Variants in CRYL1 observed in about 807,000 individuals in gnomAD.
The protein encoded by CRYL1 is lambda-crystallin homolog.
CRYL1 carries 29 observed loss-of-function variants against 36.6 expected under a neutral mutation model. The ratio of observed to expected loss-of-function variants is 0.79; its 90% CI spans 0.59 to 1.08. The LOEUF is 1.08. CRYL1 is among the 50% of genes least tolerant of loss of function. CRYL1 has a pLI of 0.00. For synonymous variants in CRYL1, 152 were observed against 151.5 expected (o/e 1.00, Z -0.02); for missense variants, 411 against 407.9 (o/e 1.01, Z -0.06).
At chr13:20,409,968 T>A (rs372311083) in intron 6 of CRYL1, among the ~76,000 whole-genome samples, 4 of 152,024 alleles carry the variant, frequency 2.6e-5, no homozygotes, top group Non-Finnish European at 4.4e-5. Flanking sequence ...TGTGGAAGTC[T>A]GTGTGGCGAT....
chr13:20,491,812 CA>C (rs2033520153), intron 2 of CRYL1, among the ~76,000 whole-genome samples: 1 of 152,016 alleles, frequency 6.6e-6, no homozygotes, highest in African/African-American at 2.4e-5. Context: ...AAGCAAAAAA[CA>C]AAAGTAAGTT....
chr13:20,478,539 A>G (rs933209807), intron 3 of CRYL1, among the ~76,000 whole-genome samples: 1 of 152,086 alleles, frequency 6.6e-6, no homozygotes, highest in Non-Finnish European at 1.5e-5. Context: ...ACAGTGGCAG[A>G]ATCTCAGCTT....
At chr13:20,509,300 T>C (rs1393084981) in intron 2 of CRYL1, among the ~76,000 whole-genome samples, 10 of 151,502 alleles carry the variant, frequency 6.6e-5, no homozygotes, top group Non-Finnish European at 1.5e-4. Flanking sequence ...ATCAAGGGTT[T>C]TTTTTTTCTT....
intron 3 of CRYL1, among the ~76,000 whole-genome samples, chr13:20,442,159 T>C (rs1031715888): frequency 1.1e-4 from 17 of 152,342 alleles, no homozygotes; most frequent in African/African-American, 3.8e-4. Flanking sequence ...AATAGCCTTA[T>C]TGTAATCCTG....
intron 3 of CRYL1, among the ~76,000 whole-genome samples, chr13:20,442,852 C>T (rs1000437653): frequency 3.3e-5 from 5 of 152,346 alleles, no homozygotes; most frequent in South Asian, 2.1e-4. Context: ...GCACAACCAC[C>T]ATCGGCATGC....
chr13:20,456,595 C>T (rs2032690823), intron 3 of CRYL1, among the ~76,000 whole-genome samples: 1 of 147,598 alleles, frequency 6.8e-6, no homozygotes, highest in Non-Finnish European at 1.5e-5. Flanking sequence ...GGCAAGACCA[C>T]GATTCTTAAA....
At chr13:20,471,946 C>T (rs554762693) in intron 3 of CRYL1, among the ~76,000 whole-genome samples, 143 of 152,134 alleles carry the variant, frequency 9.4e-4, no homozygotes, top group Non-Finnish European at 1.7e-3. Context: ...CTGCAACCTC[C>T]GCCTCCCAGG....
chr13:20,493,879 G>C (rs1353410958), intron 2 of CRYL1, among the ~76,000 whole-genome samples: 1 of 152,174 alleles, frequency 6.6e-6, no homozygotes, highest in Non-Finnish European at 1.5e-5. Context: ...AGAGGCTCAG[G>C]TGTCCCCTGA....
intron 5 of CRYL1, chr13:20,431,464 C>T (rs1366137432): frequency 2.4e-5 from 24 of 985,314 alleles, no homozygotes; most frequent in African/African-American, 1.0e-4. Flanking sequence ...GAGACTTCTC[C>T]GCCTCGTCCT....
chr13:20,455,940 A>T (rs1487755964), intron 3 of CRYL1, among the ~76,000 whole-genome samples: 3 of 152,242 alleles, frequency 2.0e-5, no homozygotes, highest in Admixed American at 1.3e-4. Context: ...GATCCATACA[A>T]ATCTAAGCAG....
intron 1 of CRYL1, among the ~76,000 whole-genome samples, chr13:20,517,289 C>A (rs1457355569): frequency 1.3e-5 from 2 of 152,130 alleles, no homozygotes; most frequent in South Asian, 4.1e-4. Flanking sequence ...TTTCAGATTG[C>A]AAATTGTTTT....
rs1013713258 is a variant in CRYL1, at chr13:20,481,624, C to T, written c.276+7746G>A. Among the ~76,000 whole-genome samples, 4 of 152,078 alleles carry T rather than the reference C, an allele frequency of 2.6e-5. No homozygotes were observed. The highest frequency in any genetic ancestry group is 2.1e-4 in the South Asian group (1 of 4,830). On this transcript the variant is annotated intron_variant, in intron 3 of 7. Transcript: ENST00000298248. The surrounding 1 kb of genome is among the most constrained non-coding windows in gnomAD (Gnocchi z 4.1). ...TTTACAGTTTTTAAAGAAAAAAACACGTATGGCCATGCGTGGTGGCTCACT... is the reference window on the plus strand; with the variant it reads ...TTTACAGTTTTTAAAGAAAAAAACATGTATGGCCATGCGTGGTGGCTCACT...
At chr13:20,443,481 T>C (rs2032390316) in intron 3 of CRYL1, among the ~76,000 whole-genome samples, 1 of 152,084 alleles carries the variant, frequency 6.6e-6, no homozygotes, top group Non-Finnish European at 1.5e-5. Flanking sequence ...GCAACTTCCA[T>C]CTCCTATGTC....
chr13:20,404,444 G>T (rs1034973539), intron 7 of CRYL1, among the ~76,000 whole-genome samples, 191 bp downstream of exon 7: 2 of 152,102 alleles, frequency 1.3e-5, no homozygotes, highest in Non-Finnish European at 2.9e-5. Context: ...CAGTTCACTG[G>T]TCACCCTGTC....
chr13:20,506,728 G>A (rs997983320), intron 2 of CRYL1, among the ~76,000 whole-genome samples: 1 of 152,160 alleles, frequency 6.6e-6, no homozygotes, highest in Admixed American at 6.5e-5. Flanking sequence ...GTTGGAATTG[G>A]CTTTACAGGA....
Position 20,481,038 on chromosome 13 carries a change from G to A in CRYL1, c.276+8332C>T, listed in dbSNP as rs1394389119. Among the ~76,000 whole-genome samples, 4 of 152,066 alleles carry A rather than the reference G, an allele frequency of 2.6e-5. No homozygotes were observed. Among genetic ancestry groups the A allele is most frequent in the African/African-American group, 4.8e-5 (2 of 41,396 alleles). ...TACAGCTTCACAGAAATAAGACCTCGTGCCCAGTTCTGTAAGCACACTATT... is the reference window on the plus strand; with the variant it reads ...TACAGCTTCACAGAAATAAGACCTCATGCCCAGTTCTGTAAGCACACTATT... On this transcript the variant is annotated intron_variant, in intron 3 of 7. Transcript: ENST00000298248. The surrounding 1 kb of genome is among the most constrained non-coding windows in gnomAD (Gnocchi z 4.1).
rs1006209649 is a variant in CRYL1 at position 20,466,712 on chromosome 13, A to G, written c.276+22658T>C. On this transcript the variant is annotated intron_variant, in intron 3 of 7. Transcript: ENST00000298248. ...TGTGTGTGTGTGTGTGTGTGTGTGT[A>G]GTTGAAGTTGCACCTGCTACATAAA... Among the ~76,000 whole-genome samples the G allele has an allele frequency of 2.3e-3, 43 of 18,862 alleles. 1 individual carries two copies. The highest frequency in any genetic ancestry group is 6.1e-3 in the African/African-American group (42 of 6,918). The allele number at this position is 18,862 out of a possible 152,430, so 12.4% of individuals were successfully genotyped here.
intron 2 of CRYL1, among the ~76,000 whole-genome samples, chr13:20,503,015 C>T (rs115189880): frequency 0.01 from 1,558 of 152,118 alleles, 24 homozygotes; most frequent in African/African-American, 0.036. Flanking sequence ...ATACCGGAAG[C>T]GCACGGCCTC....
chr13:20,420,511 T>C (rs1593432179), intron 5 of CRYL1, among the ~76,000 whole-genome samples: 2 of 84,118 alleles, frequency 2.4e-5, no homozygotes, highest in African/African-American at 6.6e-5. Flanking sequence ...AAGGGAAAGA[T>C]TGGATTTAAA....
Sources: gnomAD v4.1 joint callset for allele counts (sites outside exome capture counted in the v4.1 genomes callset) on GRCh38, gnomAD v4.1.1 for gene constraint, Gnocchi (gnomAD v3.1) non-coding constraint, MANE v1.5 for transcripts, NCBI Gene and HGNC (gene_info 2026-07-23, HGNC 2026-07-21) for gene names.